MARF1: variants seen among roughly 807,000 people sequenced by gnomAD.
MARF1 encodes the protein limkain-b1.
Under a neutral mutation model 168.2 loss-of-function variants are expected in MARF1, and 24 were observed. The ratio of observed to expected loss-of-function variants is 0.14; its 90% CI spans 0.10 to 0.20. MARF1 has a LOEUF of 0.20. MARF1 is among the 10% of genes least tolerant of loss of function. The pLI is 1.00. For synonymous variants in MARF1, 868 were observed against 822.4 expected (o/e 1.06, Z -0.95); for missense variants, 1,744 against 2,143.6 (o/e 0.81, Z 3.68).
Position 15,617,030 on chromosome 16 carries a change from C to T in MARF1, c.3077+22G>A, listed in dbSNP as rs556537298. 3.1e-6 allele frequency: 5 copies of T among 1,599,872 alleles called. No homozygotes were observed. The South Asian group carries it at 5.7e-5, about 18-fold the overall frequency. On this transcript the variant is annotated intron_variant, in intron 15 of 26. Coordinates refer to ENST00000396368, the MANE Select transcript of MARF1 (RefSeq NM_014647.4). ...AAGCAGAACTAGGGCATTATATCGA[C>T]AAAGGCTTTGAGATGGTTCACCTCA...
chr16:15,620,746 T>C (rs137950089), intron 12 of MARF1, among the ~76,000 whole-genome samples: 71 of 152,304 alleles, frequency 4.7e-4, no homozygotes, highest in Admixed American at 1.2e-3. Flanking sequence ...GTATCAATCA[T>C]AGGGTTTTCC....
rs533952301 is a variant in MARF1, at chr16:15,643,073, C to A, written c.-114G>T. The A allele has an allele frequency of 7.2e-6, 2 of 279,554 alleles. No homozygotes were observed. The highest frequency in any genetic ancestry group is 4.8e-5 in the African/African-American group (2 of 41,992). The allele number at this position is 279,554 out of a possible 1,614,324, so 17.3% of individuals were successfully genotyped here. A position where few individuals can be genotyped will look rare whatever the true frequency, so the allele number is the denominator to read the frequency against. ...TCCGGCCCCGCCGCCTTCCCCCCGC[C>A]CCCCCCAGGCCCTTTGTTTTGATTC... On this transcript the variant is annotated 5_prime_UTR_variant, in exon 1 of 27. Transcript: ENST00000396368.
Position 15,633,645 on chromosome 16 carries a change from T to C in MARF1, c.1205A>G (p.Glu402Gly). The C allele has an allele frequency of 6.2e-7, 1 of 1,612,638 alleles. No homozygotes were observed. The highest frequency in any genetic ancestry group is 2.2e-5 in the East Asian group (1 of 44,884). The change falls in exon 5 of 27, where the codon GAA becomes GGA. Residue 402 changes from glutamate to glycine, a missense_variant. Glu to Gly is a moderately conservative substitution (Grantham distance 98). This residue lies in a region of MARF1 where 217 missense variants were observed against 372.4 expected (regional missense o/e 0.58). Coordinates refer to ENST00000396368, the MANE Select transcript of MARF1 (RefSeq NM_014647.4). ...GCAATTATTCAGCTCTTGAATAACT[T>C]CCTTGTTTTCTTTACTGATGTCACA... ...CVCDISKENK[E>G]VIQELNNCQV... is the part of the protein sequence containing the mutation.
intron 20 of MARF1, 158 bp from the exon 21 acceptor site, chr16:15,608,676 G>A (rs915957235): frequency 1.5e-5 from 9 of 613,514 alleles, no homozygotes; most frequent in South Asian, 6.0e-5. Context: ...TCAGAAGATC[G>A]GTTGCATAAC....
At chr16:15,619,260 G>C (rs965997055) in intron 13 of MARF1, among the ~76,000 whole-genome samples, 1 of 152,222 alleles carries the variant, frequency 6.6e-6, no homozygotes, top group Admixed American at 6.5e-5. Context: ...CTGGGTGACA[G>C]AGTGAGACCC....
intron 17 of MARF1, 75 bp downstream of exon 17, chr16:15,612,482 T>C: frequency 1.5e-6 from 2 of 1,297,580 alleles, no homozygotes; most frequent in Non-Finnish European, 2.2e-6. Context: ...ATTAAACTGT[T>C]TCTTTGATGG....
At chr16:15,616,046 C>G in intron 15 of MARF1, 41 bp from the exon 16 acceptor site, 2 of 1,414,204 alleles carry the variant, frequency 1.4e-6, no homozygotes, top group African/African-American at 1.5e-5. Flanking sequence ...AAGGTTAAAT[C>G]AAAATAACAG....
chr16:15,639,698 G>A (rs2035826514), intron 1 of MARF1, among the ~76,000 whole-genome samples: 1 of 151,806 alleles, frequency 6.6e-6, no homozygotes, highest in South Asian at 2.1e-4. Context: ...ACTGCGCCCG[G>A]CCAACAATTC....
chr16:15,618,852 T>G (rs2034251832), intron 13 of MARF1, among the ~76,000 whole-genome samples: 1 of 152,174 alleles, frequency 6.6e-6, no homozygotes. Flanking sequence ...GACCAAAAAC[T>G]TGCTGTACCT....
chr16:15,618,112 G>C (rs2034197552), intron 13 of MARF1, among the ~76,000 whole-genome samples: 1 of 152,082 alleles, frequency 6.6e-6, no homozygotes, highest in African/African-American at 2.4e-5. Context: ...CGACCAATCG[G>C]GGCCTCACTT....
rs1031757515 is a variant in MARF1, at chr16:15,635,860, C to T, written c.627G>A (p.Leu209=). 6.2e-7 allele frequency: 1 copy of T among 1,614,090 alleles called. No individual in the cohort carries two copies. Among genetic ancestry groups the T allele is most frequent in the African/African-American group, 1.3e-5 (1 of 74,938 alleles). ...AGCCCTGCAGACTCGGAAACTGATG[C>T]AGCTTGTGCACATTACCATGACATG... ...FQSCHGNVHK[L]HQFPSLQGCT... Residue 209 remains leucine (L), a synonymous_variant, in exon 3 of 27, where the codon CTG becomes CTA. Transcript: ENST00000396368.
intron 16 of MARF1, among the ~76,000 whole-genome samples, chr16:15,614,481 C>CA (rs59862823): frequency 0.031 from 1,460 of 47,570 alleles, 69 homozygotes; most frequent in African/African-American, 0.1. Context: ...GACTCCGTCT[C>CA]AAAAAAAAAA....
rs1486688518 is a variant in MARF1 at position 15,635,761 on chromosome 16, T to C, written c.726A>G (p.Ser242=). ...GAPGHLEEHI[S]QSELTPHLCT... is the part of the protein sequence containing the mutation. ...ACAAGTGAGGCGTTAGCTCCGACTGTGAAATGTGCTCTTCCAAATGCCCTG... is the reference window on the plus strand; with the variant it reads ...ACAAGTGAGGCGTTAGCTCCGACTGCGAAATGTGCTCTTCCAAATGCCCTG... The change falls in exon 3 of 27, where the codon TCA becomes TCG. Residue 242 remains serine (S), a synonymous_variant. Transcript: ENST00000396368. The C allele has an allele frequency of 1.2e-6, 2 of 1,614,168 alleles. No homozygotes were observed. Among genetic ancestry groups the C allele is most frequent in the Non-Finnish European group, 1.7e-6 (2 of 1,180,034 alleles).
intron 15 of MARF1, 29 bp from the exon 16 acceptor site, chr16:15,616,034 G>T (rs201456049): frequency 3.5e-6 from 5 of 1,443,612 alleles, no homozygotes; most frequent in Middle Eastern, 1.9e-4. Flanking sequence ...ACAAAAAAAG[G>T]AAAGGTTAAA....
chr16:15,639,588 AT>A (rs2035818174), intron 1 of MARF1, among the ~76,000 whole-genome samples: 1 of 152,134 alleles, frequency 6.6e-6, no homozygotes, highest in Non-Finnish European at 1.5e-5. Flanking sequence ...TTTAGTAGAG[AT>A]GGGGTTTCAC....
intron 1 of MARF1, among the ~76,000 whole-genome samples, chr16:15,641,647 T>G (rs2035972136): frequency 6.6e-6 from 1 of 152,228 alleles, no homozygotes. Context: ...TCCTCTTATA[T>G]AATTTTTGCA....
chr16:15,597,368 T>C (rs900172759), intron 26 of MARF1, among the ~76,000 whole-genome samples: 2 of 152,220 alleles, frequency 1.3e-5, no homozygotes, highest in Non-Finnish European at 2.9e-5. Flanking sequence ...GCTCCTGGCC[T>C]GCTCCATTTA....
At chr16:15,598,457 C>T (rs2031996684) in intron 26 of MARF1, among the ~76,000 whole-genome samples, 1 of 152,130 alleles carries the variant, frequency 6.6e-6, no homozygotes, top group African/African-American at 2.4e-5. Flanking sequence ...CTCCATTCAC[C>T]CCTTTATAAA....
chr16:15,605,242 T>C (rs1364058602), intron 21 of MARF1, among the ~76,000 whole-genome samples: 1 of 152,132 alleles, frequency 6.6e-6, no homozygotes, highest in African/African-American at 2.4e-5. Context: ...GACAGCTTGT[T>C]TGCCCCCTTT....
Sources: gnomAD v4.1 joint callset for allele counts (sites outside exome capture counted in the v4.1 genomes callset) on GRCh38, gnomAD v4.1.1 for gene constraint, gnomAD v4.1.1 regional missense constraint, MANE v1.5 for transcripts, NCBI Gene and HGNC (gene_info 2026-07-23, HGNC 2026-07-21) for gene names.